Variants in CCDC57 observed in about 807,000 individuals in gnomAD.
CCDC57 encodes the protein coiled-coil domain containing 57.
CCDC57 carries 118 observed loss-of-function variants against 118.9 expected under a neutral mutation model. That is an observed-to-expected ratio of 0.99 (90% CI 0.86 to 1.16). CCDC57 has a LOEUF of 1.16. Ranked by LOEUF, CCDC57 falls within the 50% of genes most tolerant of loss-of-function variation. The pLI, the probability that CCDC57 is intolerant of heterozygous loss-of-function variation, is 0.00. For missense variants in CCDC57, 1,300 were observed against 1,320.7 expected (o/e 0.98, Z 0.24); for synonymous variants, 527 against 532.9 (o/e 0.99, Z 0.15).
At chr17:82,127,805 C>A in exon 19 of CCDC57, 1 of 1,612,862 alleles carries the variant, frequency 6.2e-7, no homozygotes, top group South Asian at 1.1e-5. Flanking sequence ...GTGGGATTGG[C>A]GACCATGCTC....
At chr17:82,187,127 C>A (rs2047021401) in intron 8 of CCDC57, among the ~76,000 whole-genome samples, 1 of 150,302 alleles carries the variant, frequency 6.7e-6, no homozygotes, top group Non-Finnish European at 1.5e-5. Flanking sequence ...ATGCCAGCTA[C>A]TTGGGAGGCT....
chr17:82,207,159 G>A (rs974196298), intron 2 of CCDC57, among the ~76,000 whole-genome samples: 6 of 152,030 alleles, frequency 3.9e-5, no homozygotes, highest in South Asian at 4.1e-4. Flanking sequence ...AGGGCCACAC[G>A]GCAAAACGCT....
intron 19 of CCDC57, among the ~76,000 whole-genome samples, chr17:82,108,439 G>A (rs887341625): frequency 1.3e-5 from 2 of 152,192 alleles, no homozygotes; most frequent in African/African-American, 4.8e-5. Context: ...AGGGTCCGCC[G>A]AAAGCCTAAA....
At chr17:82,101,835 C>T (rs2034470222) in exon 20 of CCDC57, 1 of 1,584,248 alleles carries the variant, frequency 6.3e-7, no homozygotes, top group East Asian at 2.3e-5. Flanking sequence ...TCTTGACGGG[C>T]CTCCTGTCGG....
At chr17:82,169,024 CT>C (rs1440989080) in intron 13 of CCDC57, among the ~76,000 whole-genome samples, 8 of 152,136 alleles carry the variant, frequency 5.3e-5, no homozygotes, top group Non-Finnish European at 7.4e-5. Flanking sequence ...AGAAAGACAG[CT>C]ATTATCAACA....
intron 17 of CCDC57, among the ~76,000 whole-genome samples, chr17:82,131,119 C>A (rs2038299354): frequency 6.6e-6 from 1 of 150,962 alleles, no homozygotes; most frequent in African/African-American, 2.4e-5. Context: ...AAATACTGGC[C>A]ACATTTTTTT....
At chr17:82,205,018 C>G (rs377523128) in intron 2 of CCDC57, among the ~76,000 whole-genome samples, 10 of 152,372 alleles carry the variant, frequency 6.6e-5, no homozygotes, top group Admixed American at 2.0e-4. Context: ...AACGCCATCA[C>G]CCCAGTGTCG....
intron 1 of CCDC57, among the ~76,000 whole-genome samples, chr17:82,208,719 A>G (rs1201925833): frequency 6.6e-6 from 1 of 152,028 alleles, no homozygotes; most frequent in South Asian, 2.1e-4. Flanking sequence ...AATTTCTTGT[A>G]GAGATGGGGT....
chr17:82,167,420 G>A (rs544451821), intron 13 of CCDC57, among the ~76,000 whole-genome samples: 130 of 150,808 alleles, frequency 8.6e-4, no homozygotes, highest in East Asian at 1.6e-3. Context: ...GCGCGATGTC[G>A]GCTCACTGCA....
At chr17:82,110,585 A>G (rs1209034935) in intron 19 of CCDC57, among the ~76,000 whole-genome samples, 11 of 152,254 alleles carry the variant, frequency 7.2e-5, no homozygotes, top group Non-Finnish European at 1.5e-4. Context: ...GAATCTCATC[A>G]TACCAGGCCA....
intron 19 of CCDC57, among the ~76,000 whole-genome samples, chr17:82,116,562 C>T (rs996100135): frequency 6.6e-6 from 1 of 152,166 alleles, no homozygotes; most frequent in Non-Finnish European, 1.5e-5. Flanking sequence ...GGCCCTCCCC[C>T]TGCTCTAATC....
At chr17:82,204,565 T>C (rs1050633283) in intron 2 of CCDC57, among the ~76,000 whole-genome samples, 1 of 152,042 alleles carries the variant, frequency 6.6e-6, no homozygotes, top group Admixed American at 6.5e-5. Flanking sequence ...GGGCGGATCA[T>C]AAGGTCAGGA....
At chr17:82,176,981 C>CA (rs1377485783) in intron 11 of CCDC57, among the ~76,000 whole-genome samples, 1 of 152,122 alleles carries the variant, frequency 6.6e-6, no homozygotes, top group Non-Finnish European at 1.5e-5. Context: ...CATGGTGGCT[C>CA]ACGCCTGTAA....
At chr17:82,158,058 C>G (rs558367670) in intron 14 of CCDC57, 110 bp from the exon 14 acceptor site, 1 of 1,454,874 alleles carries the variant, frequency 6.9e-7, no homozygotes, top group Non-Finnish European at 9.0e-7. Context: ...ACGGGGAGCC[C>G]GGGGTCAGGG....
intron 19 of CCDC57, chr17:82,113,347 T>C (rs777980980): frequency 2.4e-5 from 17 of 712,576 alleles, no homozygotes; most frequent in African/African-American, 1.4e-4. Context: ...TCCAGCCTCA[T>C]AAAATGTCAC....
chr17:82,135,567 G>A (rs779920078), intron 16 of CCDC57, among the ~76,000 whole-genome samples: 1 of 152,144 alleles, frequency 6.6e-6, no homozygotes, highest in Non-Finnish European at 1.5e-5. Context: ...CGCAATAAAA[G>A]AACCCAAAGA....
chr17:82,141,177 ATTTTTTTTTTTT>A (rs56298520), intron 16 of CCDC57, among the ~76,000 whole-genome samples: 7 of 121,536 alleles, frequency 5.8e-5, no homozygotes, highest in African/African-American at 1.9e-4. Context: ...CGCCCGGCTA[ATTTTTTTTTTTT>A]TTTTTTTTTT....
At chr17:82,166,661 A>C (rs912150718) in intron 13 of CCDC57, among the ~76,000 whole-genome samples, 1 of 151,286 alleles carries the variant, frequency 6.6e-6, no homozygotes, top group Non-Finnish European at 1.5e-5. Flanking sequence ...TAATCCAAAC[A>C]CTTTGGGAGG....
exon 3 of CCDC57, chr17:82,201,944 T>C (rs1320205468): frequency 3.1e-6 from 5 of 1,588,982 alleles, no homozygotes; most frequent in South Asian, 1.1e-5. Flanking sequence ...AGTGGCAGCA[T>C]GGTGGCCGCT....
Sources: gnomAD v4.1 joint callset for allele counts (sites outside exome capture counted in the v4.1 genomes callset) on GRCh38, gnomAD v4.1.1 for gene constraint, MANE v1.5 for transcripts, NCBI Gene and HGNC (gene_info 2026-07-23, HGNC 2026-07-21) for gene names.